Variants in PRMT2 observed in about 807,000 individuals in gnomAD.
PRMT2 encodes the protein protein arginine methyltransferase 2, also known as protein arginine N-methyltransferase 2.
A neutral mutation model predicts 57.6 loss-of-function variants in PRMT2; 26 were observed. The observed-to-expected ratio is 0.45, with a 90% CI of 0.33 to 0.63. PRMT2 has a LOEUF of 0.63. Ranked by LOEUF, PRMT2 falls within the 20% of genes least tolerant of loss-of-function variation. The pLI is 0.02. For missense variants in PRMT2, 472 were observed against 564.4 expected (o/e 0.84, Z 1.66); for synonymous variants, 219 against 220.0 (o/e 1.00, Z 0.04).
Position 46,648,498 on chromosome 21 carries a change from C to T in PRMT2, c.368C>T (p.Thr123Ile), listed in dbSNP as rs2061398471. 6.2e-7 allele frequency: 1 copy of T among 1,614,094 alleles called. No individual in the cohort carries two copies. Among genetic ancestry groups the T allele is most frequent in the South Asian group, 1.1e-5 (1 of 91,090 alleles). Residue 123 changes from threonine (T) to isoleucine (I), a missense_variant, in exon 6 of 12, where the codon ACT becomes ATT. Transcript: ENST00000355680. The surrounding 1 kb of genome is among the most constrained non-coding windows in gnomAD (Gnocchi z 4.8). ...ATGTTGGCAGACCAGCCACGAACAA[C>T]TAAATACCACAGTGTCATCCTGCAG... ...LEMLADQPRT[T>I]KYHSVILQNK... is the part of the protein sequence containing the mutation.
At chr21:46,636,767 C>T (rs2061178718) in intron 2 of PRMT2, 129 bp from the exon 3 acceptor site, 1 of 566,068 alleles carries the variant, frequency 1.8e-6, no homozygotes, top group African/African-American at 1.9e-5. Flanking sequence ...TTCATTTCTA[C>T]ACTAATCTTC....
In PRMT2 at chr21:46,644,373, A is replaced by G. The variant is rs1177667680; in HGVS notation, c.212A>G (p.Glu71Gly). The G allele has an allele frequency of 6.2e-7, 1 of 1,612,610 alleles. No individual in the cohort carries two copies. ...RQTTADWWWGERAGCCGYIPA... is the reference protein window; with the variant it reads ...RQTTADWWWGGRAGCCGYIPA... ...ACCACTGCAGATTGGTGGTGGGGTG[A>G]GCGTGCGGGCTGCTGTGGGTACATT... is the stretch of plus-strand genomic sequence containing the variant. Residue 71 changes from glutamate to glycine, a missense_variant, in exon 5 of 12, where the codon GAG becomes GGG. By Grantham distance (98) the Glu-to-Gly change is moderately conservative. This residue lies in a region of PRMT2 where 243 missense variants were observed against 347.2 expected (regional missense o/e 0.70). Coordinates refer to ENST00000355680, the MANE Select transcript of PRMT2 (RefSeq NM_206962.4).
intron 3 of PRMT2, among the ~76,000 whole-genome samples, chr21:46,640,796 C>T (rs905253884): frequency 2.0e-5 from 3 of 151,390 alleles, no homozygotes; most frequent in Non-Finnish European, 2.9e-5. Flanking sequence ...TTGGGGTCTC[C>T]ATGTAAACAT....
Position 46,663,444 on chromosome 21 carries a change from G to A in PRMT2, c.1159G>A (p.Asp387Asn). Reference protein sequence around the residue: ...MDDPVPVHTGDVVTGSVVLQR... With the variant: ...MDDPVPVHTGNVVTGSVVLQR... Reference sequence around the variant, plus strand: ...CGACCCAGTCCCTGTCCATACAGGAGACGTGGTCACGGGTTCAGTTGTGTT... The same window carrying A: ...CGACCCAGTCCCTGTCCATACAGGAAACGTGGTCACGGGTTCAGTTGTGTT... Residue 387 changes from aspartate (D) to asparagine (N), a missense_variant, in exon 11 of 12, where the codon GAC (aspartate) becomes AAC (asparagine). By Grantham distance (23) the Asp-to-Asn change is conservative. Around this residue, in one of 2 missense-constraint regions of PRMT2, gnomAD observed 229 missense variants for 217.2 expected, o/e 1.05. Transcript: ENST00000355680. 6.2e-7 allele frequency: 1 copy of A among 1,614,210 alleles called. No homozygotes were observed. The highest frequency in any genetic ancestry group is 8.5e-7 in the Non-Finnish European group (1 of 1,180,024).
intron 7 of PRMT2, chr21:46,651,939 GTC>G (rs1193260248): frequency 1.9e-6 from 3 of 1,613,246 alleles, no homozygotes; most frequent in South Asian, 2.2e-5. Context: ...CTTGCCTGCT[GTC>G]TGCCTGTTCT....
At chr21:46,652,783 C>A in intron 7 of PRMT2, 1 of 1,214,390 alleles carries the variant, frequency 8.2e-7, no homozygotes, top group Admixed American at 3.2e-5. Flanking sequence ...GTCAACAGAC[C>A]ATTTAATCAT....
At chr21:46,658,565 G>C in intron 7 of PRMT2, 180 bp from the exon 8 acceptor site, 1 of 1,086,228 alleles carries the variant, frequency 9.2e-7, no homozygotes, top group East Asian at 2.8e-5. Flanking sequence ...CATCAGTGAC[G>C]TGTGGGCATA....
chr21:46,635,736 C>T lies in PRMT2; in HGVS notation c.-193C>T. 6.6e-6 allele frequency: 1 copy of T among 152,396 alleles called. No individual in the cohort carries two copies. Among genetic ancestry groups the T allele is most frequent in the East Asian group, 1.9e-4 (1 of 5,182 alleles). 9.4% of individuals were successfully genotyped at this position (152,396 alleles called of 1,614,324 possible). ...CCCCTCCGCGCTGGCGGTGTGGACG[C>T]GGAACTCAGCGGAGAAACGCGATTG... On this transcript the variant is annotated 5_prime_UTR_variant, in exon 1 of 12. Coordinates refer to ENST00000355680, the MANE Select transcript of PRMT2 (RefSeq NM_206962.4).
At chr21:46,655,047 C>G (rs2061522036) in intron 7 of PRMT2, 1 of 337,852 alleles carries the variant, frequency 3.0e-6, no homozygotes, top group Admixed American at 6.5e-5. Flanking sequence ...GGTCCAATAA[C>G]TAGTAAAGAT....
chr21:46,661,242 C>A, intron 9 of PRMT2: 15 of 240,174 alleles, frequency 6.2e-5, no homozygotes, highest in East Asian at 1.7e-4. Context: ...TCAGCATCTT[C>A]AAAATCAAAT....
chr21:46,657,360 G>T (rs1401205507), intron 7 of PRMT2: 1 of 142,196 alleles, frequency 7.0e-6, no homozygotes, highest in African/African-American at 2.7e-5. Flanking sequence ...GATTATACTA[G>T]CTCTCTTTAT....
chr21:46,663,621 T>C (rs1387721654), intron 11 of PRMT2, 67 bp downstream of exon 11: 2 of 1,520,256 alleles, frequency 1.3e-6, no homozygotes, highest in African/African-American at 1.4e-5. Context: ...GCCTGGGTGG[T>C]GGTAGTGATG....
chr21:46,661,343 T>TC (rs1168284321), intron 9 of PRMT2: 2 of 167,764 alleles, frequency 1.2e-5, no homozygotes, highest in African/African-American at 4.8e-5. Flanking sequence ...TAGAATTCCC[T>TC]CCGTGAATCC....
intron 3 of PRMT2, among the ~76,000 whole-genome samples, chr21:46,639,188 A>T (rs1173053807): frequency 6.6e-6 from 1 of 152,208 alleles, no homozygotes; most frequent in African/African-American, 2.4e-5. Flanking sequence ...TGCTTTGATT[A>T]CATTGGTTAG....
intron 7 of PRMT2, among the ~76,000 whole-genome samples, chr21:46,651,612 T>TC (rs988120501): frequency 1.3e-5 from 2 of 151,384 alleles, no homozygotes; most frequent in Non-Finnish European, 2.9e-5. Context: ...GACTTCAGAC[T>TC]CCCCCCCAGG....
chr21:46,643,108 C>T (rs1412687106), intron 3 of PRMT2, among the ~76,000 whole-genome samples: 3 of 152,058 alleles, frequency 2.0e-5, no homozygotes, highest in Admixed American at 6.5e-5. Flanking sequence ...TCTGCTGCCT[C>T]GTGGAGGTTT....
chr21:46,663,347 C>T lies in PRMT2; in HGVS notation c.1098-36C>T, dbSNP rs759376046. ...GAGGGCCATGTGGAGACTGCCCTAG[C>T]TCAGCCTCCAGGTCACACGCACCCC... On this transcript the variant is annotated intron_variant, in intron 10 of 11. Transcript: ENST00000355680. 3.9e-5 allele frequency: 61 copies of T among 1,583,138 alleles called. No homozygotes were observed. In the Admixed American group the frequency reaches 1.0e-3, roughly 27 times the overall value.
At position 46,641,126 on chromosome 21, in the gene PRMT2, A is replaced by AAG. The variant is rs1447526014; in HGVS notation, c.40-2408_40-2407insGA. Reference sequence around the variant, plus strand: ...GTGACAGAGGGTGACCTCATCTCAAAAAAAAAAAAAAAAAGCGTATTCTTC... The same window carrying AAG: ...GTGACAGAGGGTGACCTCATCTCAAAAGAAAAAAAAAAAAAAGCGTATTCTTC... On this transcript the variant is annotated intron_variant, in intron 3 of 11. Transcript: ENST00000355680. 1.3e-4 allele frequency among the ~76,000 whole-genome samples: 19 copies of AAG among 150,968 alleles called. No individual in the cohort carries two copies. In the East Asian group the frequency reaches 3.3e-3, roughly 26 times the overall value.
intron 5 of PRMT2, among the ~76,000 whole-genome samples, chr21:46,646,157 C>T (rs1465112013): frequency 3.3e-5 from 5 of 152,116 alleles, no homozygotes; most frequent in African/African-American, 1.2e-4. Flanking sequence ...GACATGCTGG[C>T]AGTGTTCTGG....
Sources: allele counts gnomAD v4.1 joint callset (sites outside exome capture counted in the v4.1 genomes callset), GRCh38; gene constraint gnomAD v4.1.1; regional missense constraint gnomAD v4.1.1; non-coding constraint Gnocchi (gnomAD v3.1); transcripts MANE v1.5; gene names NCBI Gene and HGNC (gene_info 2026-07-23, HGNC 2026-07-21).